AHCTF1: variants seen among roughly 807,000 people sequenced by gnomAD.
The protein encoded by AHCTF1 is protein ELYS.
Under a neutral mutation model 248.4 loss-of-function variants are expected in AHCTF1, and 24 were observed. That is an observed-to-expected ratio of 0.10 (90% CI 0.07 to 0.14). The LOEUF is 0.14. Ranked by LOEUF, AHCTF1 falls within the 10% of genes least tolerant of loss-of-function variation. The probability of loss-of-function intolerance (pLI) is 1.00; values close to 1 mark genes in which losing one functional copy is unlikely to be tolerated. For synonymous variants in AHCTF1, 786 were observed against 929.8 expected (o/e 0.85, Z 2.81); for missense variants, 2,206 against 2,636.2 (o/e 0.84, Z 3.57).
chr1:246,879,416 C>T (rs1663229956), intron 21 of AHCTF1, among the ~76,000 whole-genome samples: 1 of 152,192 alleles, frequency 6.6e-6, no homozygotes, highest in Non-Finnish European at 1.5e-5. Context: ...AACATCCTTT[C>T]ACCCTAGGAT....
At chr1:246,876,849 G>T in intron 23 of AHCTF1, 101 bp downstream of exon 23, 1 of 1,389,448 alleles carries the variant, frequency 7.2e-7, no homozygotes, top group Non-Finnish European at 9.9e-7. Flanking sequence ...GTAATGCTAG[G>T]CACAGTGGTT....
rs139015537 is a variant in AHCTF1 at position 246,864,846 on chromosome 1, CAAAAAAAAAAAAAAAAAAAAAAAAAAA to C, written c.3348-757_3348-731del. Among the ~76,000 whole-genome samples, 3 of 2,260 alleles carry C rather than the reference CAAAAAAAAAAAAAAAAAAAAAAAAAAA, an allele frequency of 1.3e-3. 1 individual carries two copies. Among genetic ancestry groups the C allele is most frequent in the Admixed American group, 0.02 (2 of 98 alleles). The allele number at this position is 2,260 out of a possible 152,430, so 1.5% of individuals were successfully genotyped here. ...TGGGCGACAGAGCGAGACTCCGTCT[CAAAAAAAAAAAAAAAAAAAAAAAAAAA>C]AAAAAAAAAAAAAAAAGACTAGACT... On this transcript the variant is annotated intron_variant, in intron 26 of 35. Transcript: ENST00000648844.
intron 1 of AHCTF1, among the ~76,000 whole-genome samples, chr1:246,926,629 G>A (rs931085913): frequency 2.6e-5 from 4 of 152,176 alleles, no homozygotes; most frequent in Non-Finnish European, 5.9e-5. Context: ...GCTGAGGTGG[G>A]TGGATCACCT....
chr1:246,847,709 G>A (rs1051248160), intron 33 of AHCTF1, among the ~76,000 whole-genome samples: 5 of 152,090 alleles, frequency 3.3e-5, no homozygotes, highest in African/African-American at 1.2e-4. Context: ...TGGCCATGTT[G>A]TTGCAGGTAT....
rs751982201 is a variant in AHCTF1 at position 246,877,100 on chromosome 1, AT to A, written c.2806-20del. On this transcript the variant is annotated intron_variant, in intron 22 of 35. Coordinates refer to ENST00000648844, the MANE Select transcript of AHCTF1 (RefSeq NM_001323342.2). ...AACATTCCTAAAAAGAACAAAATAG[AT>A]TGTAAACTACCAATTTATCTTGAAT... The A allele has an allele frequency of 6.2e-7, 1 of 1,612,184 alleles. No homozygotes were observed. Among genetic ancestry groups the A allele is most frequent in the Non-Finnish European group, 8.5e-7 (1 of 1,179,856 alleles).
In AHCTF1 at chr1:246,839,105, G is replaced by A. The variant is rs1241107833; in HGVS notation, c.*1701C>T. 1 of 152,152 alleles carries A rather than the reference G, an allele frequency of 6.6e-6. No individual in the cohort carries two copies. Among genetic ancestry groups the A allele is most frequent in the Admixed American group, 6.5e-5 (1 of 15,276 alleles). The allele number at this position is 152,152 out of a possible 1,614,324, so 9.4% of individuals were successfully genotyped here. On this transcript the variant is annotated 3_prime_UTR_variant, in exon 36 of 36. Transcript: ENST00000648844. ...AAATGTTGTAGCAACACATTTTAAT[G>A]AGCAGTGTTTTTATTCAAGCTATAT...
Position 246,861,049 on chromosome 1 carries a change from C to T in AHCTF1, c.3982G>A (p.Glu1328Lys), listed in dbSNP as rs1661506465. 1 of 1,614,004 alleles carries T rather than the reference C, an allele frequency of 6.2e-7. No homozygotes were observed. Among genetic ancestry groups the T allele is most frequent in the Non-Finnish European group, 8.5e-7 (1 of 1,179,920 alleles). ...TLEYQDAPSP[E>K]DLEETVFTAS... ...GTGAAAACAGTCTCTTCAAGGTCTTCCGGTGACGGTGCATCCTGATACTCT... is the reference window on the plus strand; with the variant it reads ...GTGAAAACAGTCTCTTCAAGGTCTTTCGGTGACGGTGCATCCTGATACTCT... The change falls in exon 29 of 36, where the codon GAA (glutamate) becomes AAA (lysine). Residue 1328 changes from glutamate (E) to lysine (K), a missense_variant. Glu to Lys is a moderately conservative substitution (Grantham distance 56). Coordinates refer to ENST00000648844, the MANE Select transcript of AHCTF1 (RefSeq NM_001323342.2).
At position 246,920,142 on chromosome 1, in the gene AHCTF1, C is replaced by CAAAAAA. The variant is rs68194249; in HGVS notation, c.-7-1771_-7-1766dup. Among the ~76,000 whole-genome samples the CAAAAAA allele has an allele frequency of 7.8e-4, 32 of 40,796 alleles. 1 individual carries two copies. The highest frequency in any genetic ancestry group is 1.1e-3 in the African/African-American group (12 of 11,378). The allele number at this position is 40,796 out of a possible 152,430, so 26.8% of individuals were successfully genotyped here. A position where few individuals can be genotyped will look rare whatever the true frequency, so the allele number is the denominator to read the frequency against. ...CGACACAGTGAGACTCTGTCCCCCGCAAAAAAAAAAAAAAAAAAAAAAAAA... is the reference window on the plus strand; with the variant it reads ...CGACACAGTGAGACTCTGTCCCCCGCAAAAAAAAAAAAAAAAAAAAAAAAAAAAAAA... On this transcript the variant is annotated intron_variant, in intron 1 of 35. Coordinates refer to ENST00000648844, the MANE Select transcript of AHCTF1 (RefSeq NM_001323342.2).
intron 16 of AHCTF1, among the ~76,000 whole-genome samples, chr1:246,890,481 TATTCTAAACAA>T (rs1664139790): frequency 6.6e-6 from 1 of 152,166 alleles, no homozygotes; most frequent in African/African-American, 2.4e-5. Context: ...TTGCAAGTTA[TATTCTAAACAA>T]ATATAGCACA....
chr1:246,893,350 A>C (rs1664350303), intron 14 of AHCTF1, among the ~76,000 whole-genome samples: 1 of 152,230 alleles, frequency 6.6e-6, no homozygotes, highest in Non-Finnish European at 1.5e-5. Context: ...TGGTTTAAAA[A>C]TCCTCTACTA....
At chr1:246,881,053 G>A (rs187348029) in intron 21 of AHCTF1, among the ~76,000 whole-genome samples, 8 of 152,262 alleles carry the variant, frequency 5.3e-5, no homozygotes, top group Non-Finnish European at 1.0e-4. Context: ...ATTATGAAAT[G>A]CACGGTGGAG....
At chr1:246,907,784 A>T in intron 4 of AHCTF1, 26 bp from the exon 5 acceptor site, 1 of 1,590,778 alleles carries the variant, frequency 6.3e-7, no homozygotes, top group Non-Finnish European at 8.6e-7. Context: ...AGACAAATGA[A>T]GTTAAAAAAC....
intron 1 of AHCTF1, among the ~76,000 whole-genome samples, chr1:246,921,571 C>A (rs1666553121): frequency 6.6e-6 from 1 of 152,062 alleles, no homozygotes; most frequent in Non-Finnish European, 1.5e-5. Context: ...AGAATCCCCC[C>A]AAAAATATAG....
At chr1:246,925,936 C>T (rs1666892335) in intron 1 of AHCTF1, among the ~76,000 whole-genome samples, 1 of 151,698 alleles carries the variant, frequency 6.6e-6, no homozygotes, top group Admixed American at 6.6e-5. Context: ...GTGGTGGCGC[C>T]TGCCTGTAGT....
intron 1 of AHCTF1, among the ~76,000 whole-genome samples, chr1:246,920,980 T>C (rs1666506829): frequency 6.6e-6 from 1 of 151,398 alleles, no homozygotes; most frequent in Non-Finnish European, 1.5e-5. Context: ...TAATCTCAGC[T>C]ACTCAGGAGG....
intron 1 of AHCTF1, among the ~76,000 whole-genome samples, chr1:246,927,147 C>T (rs1209888226): frequency 1.3e-5 from 2 of 150,986 alleles, no homozygotes; most frequent in Non-Finnish European, 2.9e-5. Flanking sequence ...CACTGCACTC[C>T]AGCCTGGGCG....
chr1:246,868,041 C>T (rs1662139515), intron 24 of AHCTF1, among the ~76,000 whole-genome samples: 1 of 151,828 alleles, frequency 6.6e-6, no homozygotes. Flanking sequence ...CGGCTCACTG[C>T]ACCCTCTGCC....
In AHCTF1 at chr1:246,904,787, T is replaced by G. The variant is rs1665267347; in HGVS notation, c.881+754A>C. On this transcript the variant is annotated intron_variant, in intron 6 of 35. Coordinates refer to ENST00000648844, the MANE Select transcript of AHCTF1 (RefSeq NM_001323342.2). ...TTTACTACTAGTTGATCCCTTTTAA[T>G]AATTCCTATTACTAGTTCTTATTTC... is the stretch of plus-strand genomic sequence containing the variant. 1.3e-5 allele frequency among the ~76,000 whole-genome samples: 2 copies of G among 152,226 alleles called. 1 individual carries two copies. Among genetic ancestry groups the G allele is most frequent in the South Asian group, 4.1e-4 (2 of 4,832 alleles).
At chr1:246,927,096 T>A (rs1406085744) in intron 1 of AHCTF1, among the ~76,000 whole-genome samples, 1 of 150,838 alleles carries the variant, frequency 6.6e-6, no homozygotes, top group African/African-American at 2.4e-5. Flanking sequence ...GAGAATGGCG[T>A]GAACCCGGGA....
Sources: gnomAD v4.1 joint callset for allele counts (sites outside exome capture counted in the v4.1 genomes callset) on GRCh38, gnomAD v4.1.1 for gene constraint, MANE v1.5 for transcripts, NCBI Gene and HGNC (gene_info 2026-07-23, HGNC 2026-07-21) for gene names.